Variants in PLXDC2 observed in about 807,000 individuals in gnomAD.
The protein encoded by PLXDC2 is plexin domain-containing protein 2.
PLXDC2 carries 40 observed loss-of-function variants against 68.9 expected under a neutral mutation model. The ratio of observed to expected loss-of-function variants is 0.58; its 90% CI spans 0.45 to 0.76. The LOEUF (loss-of-function observed/expected upper bound fraction) is 0.76, where lower values mean the gene tolerates loss of function less well. PLXDC2 is among the 30% of genes least tolerant of loss of function. PLXDC2 has a pLI of 0.00. For missense variants in PLXDC2, 644 were observed against 661.9 expected (o/e 0.97, Z 0.30); for synonymous variants, 243 against 234.2 (o/e 1.04, Z -0.34).
intron 1 of PLXDC2, among the ~76,000 whole-genome samples, chr10:19,860,477 C>T (rs1274890403): frequency 6.6e-6 from 1 of 152,168 alleles, no homozygotes; most frequent in African/African-American, 2.4e-5. Context: ...ACAAGAGTAT[C>T]TAAGTGTGCA....
At chr10:20,130,130 C>G (rs1003959674) in intron 4 of PLXDC2, among the ~76,000 whole-genome samples, 19 of 151,578 alleles carry the variant, frequency 1.3e-4, no homozygotes, top group African/African-American at 4.6e-4. Context: ...TTTTAATTTT[C>G]AATTCTTCTC....
chr10:20,272,001 G>C lies in PLXDC2; in HGVS notation c.1474-7702G>C, dbSNP rs190708712. Reference sequence around the variant, plus strand: ...AAGTTGTGCAAATACTAATTTTATCGGATGACTGAATGCATTATCACACAG... The same window carrying C: ...AAGTTGTGCAAATACTAATTTTATCCGATGACTGAATGCATTATCACACAG... On this transcript the variant is annotated intron_variant, in intron 13 of 13. Coordinates refer to ENST00000377252, the MANE Select transcript of PLXDC2 (RefSeq NM_032812.9). Among the ~76,000 whole-genome samples, 16 of 151,884 alleles carry C rather than the reference G, an allele frequency of 1.1e-4. No individual in the cohort carries two copies. In the East Asian group the frequency reaches 2.3e-3, roughly 22 times the overall value.
intron 2 of PLXDC2, among the ~76,000 whole-genome samples, chr10:20,011,330 A>G (rs1245241745): frequency 6.6e-6 from 1 of 152,062 alleles, no homozygotes; most frequent in Non-Finnish European, 1.5e-5. Flanking sequence ...CCACAGAGGG[A>G]CGGTACTCCT....
At chr10:20,192,673 C>G (rs1834782450) in intron 9 of PLXDC2, among the ~76,000 whole-genome samples, 1 of 151,836 alleles carries the variant, frequency 6.6e-6, no homozygotes. Flanking sequence ...CTACAGCACC[C>G]ACATAGAGCC....
In PLXDC2 at chr10:20,186,067, A is replaced by G. The variant is rs78273279; in HGVS notation, c.1061+8658A>G. Among the ~76,000 whole-genome samples, 1,049 of 152,106 alleles carry G rather than the reference A, an allele frequency of 6.9e-3. 9 individuals are homozygous for G. The highest frequency in any genetic ancestry group is 0.024 in the African/African-American group (1,002 of 41,554). On this transcript the variant is annotated intron_variant, in intron 9 of 13. Transcript: ENST00000377252. The stretch of plus-strand genomic sequence containing the variant: ...AGCTAAAAATGTTATAACTTTCACT[A>G]TATAAGTTGAATGCCAAGTTTAAAA...
In PLXDC2 at chr10:20,219,009, T is replaced by C. The variant is rs949400039; in HGVS notation, c.1274-55T>C. 5.0e-6 allele frequency: 8 copies of C among 1,584,562 alleles called. No homozygotes were observed. In the Admixed American group the frequency reaches 1.4e-4, roughly 28 times the overall value. The stretch of plus-strand genomic sequence containing the variant: ...AGACAATTACTAGTCATAAGATTTA[T>C]GCTCCTTTGAAATCAATCCTTTTCT... On this transcript the variant is annotated intron_variant, in intron 11 of 13. Transcript: ENST00000377252.
At chr10:19,901,774 T>C (rs560206358) in intron 1 of PLXDC2, among the ~76,000 whole-genome samples, 6 of 152,222 alleles carry the variant, frequency 3.9e-5, no homozygotes, top group African/African-American at 1.2e-4. Context: ...GAAGGGTTTT[T>C]CGATGTTATC....
At chr10:20,225,869 T>C (rs982918540) in intron 12 of PLXDC2, among the ~76,000 whole-genome samples, 1 of 152,208 alleles carries the variant, frequency 6.6e-6, no homozygotes, top group South Asian at 2.1e-4. Context: ...ATGGTCTGAT[T>C]CAATGCATAA....
intron 3 of PLXDC2, among the ~76,000 whole-genome samples, chr10:20,050,845 G>C (rs1226860649): frequency 3.3e-5 from 5 of 151,916 alleles, no homozygotes; most frequent in African/African-American, 7.2e-5. Context: ...AAAGACCTAA[G>C]GACAGAAATA....
At chr10:19,922,382 C>T (rs1833474441) in intron 1 of PLXDC2, among the ~76,000 whole-genome samples, 1 of 152,138 alleles carries the variant, frequency 6.6e-6, no homozygotes, top group African/African-American at 2.4e-5. Context: ...TGTAGAGAGG[C>T]AGTGAGACAC....
intron 4 of PLXDC2, among the ~76,000 whole-genome samples, chr10:20,098,346 C>CGTGTGTGTGTGTGTGTGTGTGTGTGT (rs762519549): frequency 1.9e-5 from 2 of 103,060 alleles, no homozygotes; most frequent in Non-Finnish European, 4.1e-5. Context: ...CATTTTCGTG[C>CGTGTGTGTGTGTGTGTGTGTGTGTGT]GTGTGTGTGT....
intron 1 of PLXDC2, among the ~76,000 whole-genome samples, chr10:19,891,247 C>G (rs759382759): frequency 4.6e-5 from 7 of 152,000 alleles, no homozygotes; most frequent in East Asian, 1.9e-4. Flanking sequence ...ATAGTAATAC[C>G]AAAATGCAAT....
chr10:19,857,068 C>T (rs1837227885), intron 1 of PLXDC2, among the ~76,000 whole-genome samples: 1 of 152,098 alleles, frequency 6.6e-6, no homozygotes. Context: ...TTTAAGTAGA[C>T]TATTTTATTA....
rs558444183 is a variant in PLXDC2 at position 20,018,933 on chromosome 10, T to C, written c.324+16947T>C. 2.5e-3 allele frequency among the ~76,000 whole-genome samples: 373 copies of C among 152,224 alleles called. 1 individual carries two copies. The highest frequency in any genetic ancestry group is 2.5e-3 in the Non-Finnish European group (172 of 68,016). On this transcript the variant is annotated intron_variant, in intron 2 of 13. Transcript: ENST00000377252. ...TAAAATAGCTATAACTATTTCTAAA[T>C]TGTCTGTAGATTTGAAGGGGAAAAA...
intron 1 of PLXDC2, among the ~76,000 whole-genome samples, chr10:19,914,705 G>A (rs1833335419): frequency 6.6e-6 from 1 of 152,174 alleles, no homozygotes; most frequent in Non-Finnish European, 1.5e-5. Context: ...ATTTTAGGAT[G>A]GGAAGACAGA....
chr10:20,267,182 A>G (rs1835882800), intron 13 of PLXDC2, among the ~76,000 whole-genome samples: 2 of 152,192 alleles, frequency 1.3e-5, no homozygotes, highest in Non-Finnish European at 2.9e-5. Flanking sequence ...ATTTAAATGC[A>G]TAAAGCGAAA....
chr10:20,037,493 A>G (rs1239141245), intron 2 of PLXDC2, among the ~76,000 whole-genome samples: 1 of 152,110 alleles, frequency 6.6e-6, no homozygotes, highest in African/African-American at 2.4e-5. Context: ...ATATCTCCTA[A>G]TGCTCTATCT....
At chr10:20,022,210 A>T (rs1182086658) in intron 2 of PLXDC2, among the ~76,000 whole-genome samples, 2 of 152,226 alleles carry the variant, frequency 1.3e-5, no homozygotes, top group Non-Finnish European at 2.9e-5. Context: ...GATTGTGTTC[A>T]TCTATTTATT....
At chr10:19,982,334 G>A (rs539676150) in intron 1 of PLXDC2, among the ~76,000 whole-genome samples, 5 of 152,100 alleles carry the variant, frequency 3.3e-5, no homozygotes, top group Non-Finnish European at 5.9e-5. Flanking sequence ...CCATCCCTCC[G>A]TTCTGTGAGT....
Sources: gnomAD v4.1 joint callset for allele counts (sites outside exome capture counted in the v4.1 genomes callset) on GRCh38, gnomAD v4.1.1 for gene constraint, MANE v1.5 for transcripts, NCBI Gene and HGNC (gene_info 2026-07-23, HGNC 2026-07-21) for gene names.